SFTPB: variants seen among roughly 807,000 people sequenced by gnomAD.
The protein encoded by SFTPB is surfactant protein B.
A neutral mutation model predicts 51.0 loss-of-function variants in SFTPB; 32 were observed. The ratio of observed to expected loss-of-function variants is 0.63; its 90% CI spans 0.47 to 0.84. The LOEUF (loss-of-function observed/expected upper bound fraction) is 0.84. Among genes scored for constraint, SFTPB ranks in the 40% least tolerant of loss-of-function variants. SFTPB has a pLI of 0.00. For synonymous variants in SFTPB, 211 were observed against 208.5 expected (o/e 1.01, Z -0.10); for missense variants, 431 against 491.2 (o/e 0.88, Z 1.16).
At chr2:85,662,447 G>C (rs926927219) in intron 8 of SFTPB, among the ~76,000 whole-genome samples, 1 of 152,168 alleles carries the variant, frequency 6.6e-6, no homozygotes, top group Admixed American at 6.5e-5. Context: ...ATGGGCAGTC[G>C]GGAGGCTTGG....
At chr2:85,667,941 G>T in intron 1 of SFTPB, 135 bp from the exon 2 acceptor site, 1 of 1,359,958 alleles carries the variant, frequency 7.4e-7, no homozygotes, top group Non-Finnish European at 1.0e-6. Context: ...ACAGCTCTGG[G>T]TTCCACCTGC....
rs746836305 is a variant in SFTPB at position 85,662,066 on chromosome 2, A to C, written c.1046T>G (p.Leu349Arg). The change falls in exon 9 of 11, where the codon CTG becomes CGG. Residue 349 changes from leucine to arginine, a missense_variant. Transcript: ENST00000519937. ...VEQHTPQLLT[L>R]VPRGWDAHTT... The stretch of plus-strand genomic sequence containing the variant: ...GTGGGCATCCCAGCCCCTGGGCACC[A>C]GGGTCAGCAGCTGGGGCGTGTGCTG... 1 of 1,603,894 alleles carries C rather than the reference A, an allele frequency of 6.2e-7. No individual in the cohort carries two copies. The highest frequency in any genetic ancestry group is 8.5e-7 in the Non-Finnish European group (1 of 1,176,550).
intron 10 of SFTPB, among the ~76,000 whole-genome samples, chr2:85,660,634 TA>T (rs1477107539): frequency 6.6e-6 from 1 of 151,682 alleles, no homozygotes; most frequent in African/African-American, 2.4e-5. Flanking sequence ...AAAATATTTT[TA>T]GTAGAGACAG....
chr2:85,666,397 GTGTGTGTGTCCGGCCAGCTGGGGTGT>G (rs1320826830), intron 4 of SFTPB, 194 bp downstream of exon 4: 25 of 536,862 alleles, frequency 4.7e-5, no homozygotes, highest in African/African-American at 3.4e-4. Context: ...GGTACTGTGT[GTGTGTGTGTCCGGCCAGCTGGGGTGT>G]TGTGTGTGTG....
chr2:85,662,964 A>G (rs1677385294), intron 8 of SFTPB, among the ~76,000 whole-genome samples: 1 of 151,786 alleles, frequency 6.6e-6, no homozygotes, highest in Admixed American at 6.6e-5. Context: ...AGTGAGTCAC[A>G]CCTTGAGGAG....
chr2:85,661,563 G>A, intron 9 of SFTPB, 28 bp from the exon 10 acceptor site: 1 of 1,596,086 alleles, frequency 6.3e-7, no homozygotes, highest in South Asian at 1.1e-5. Context: ...CCAGGGCTGA[G>A]GCCTGGGCCC....
chr2:85,663,606 G>A (rs1368939315), intron 7 of SFTPB, 58 bp downstream of exon 7: 2 of 1,592,356 alleles, frequency 1.3e-6, no homozygotes, highest in East Asian at 2.3e-5. Flanking sequence ...TCATGCAGTG[G>A]CAGGGTAGGG....
At chr2:85,666,268 T>C (rs1677596860) in intron 4 of SFTPB, among the ~76,000 whole-genome samples, 1 of 128,454 alleles carries the variant, frequency 7.8e-6, no homozygotes, top group Admixed American at 8.7e-5. Flanking sequence ...GCTGGGGTAC[T>C]GTGTGGGTAT....
chr2:85,661,632 C>CT (rs1677304195), intron 9 of SFTPB, 97 bp from the exon 10 acceptor site: 1 of 987,444 alleles, frequency 1.0e-6, no homozygotes, highest in African/African-American at 1.6e-5. Context: ...CACCTCCCGC[C>CT]TAGTGGGTGC....
intron 1 of SFTPB, 110 bp downstream of exon 1, chr2:85,668,007 C>T (rs1310263609): frequency 2.5e-6 from 3 of 1,203,264 alleles, no homozygotes; most frequent in Non-Finnish European, 2.4e-6. Flanking sequence ...CTCTGAACCC[C>T]AGCTGCCTTG....
At position 85,667,800 on chromosome 2, in the gene SFTPB, C is replaced by A. The variant is rs561295206; in HGVS notation, c.74G>T (p.Trp25Leu). ...GGCACAGGCCAAGGATGAGGTGGTC[C>A]AGGCAGCTGTGGTTTGGGGCCAGAG... ...PTLCGPGTAA[W>L]TTSSLACAQG... is the part of the protein sequence containing the mutation. The change falls in exon 2 of 11, where the codon TGG becomes TTG. Residue 25 changes from tryptophan (W) to leucine (L), a missense_variant. Physicochemically the swap from Trp to Leu is moderately conservative, Grantham distance 61 (BLOSUM62 -2). Coordinates refer to ENST00000519937, the MANE Select transcript of SFTPB (RefSeq NM_000542.5). 1 of 1,614,282 alleles carries A rather than the reference C, an allele frequency of 6.2e-7. No homozygotes were observed. Among genetic ancestry groups the A allele is most frequent in the South Asian group, 1.1e-5 (1 of 91,092 alleles).
Position 85,663,436 on chromosome 2 carries a change from G to C in SFTPB, c.912C>G (p.Ser304=). ...TGCTGTTCCCGGCCTGGGTGGTCAC[G>C]GACATGCAGAGGTGGCACTCAGAGT... is the stretch of plus-strand genomic sequence containing the variant. The part of the protein sequence containing the change: ...PRDSECHLCM[S]VTTQAGNSSE... Residue 304 remains serine (S), a synonymous_variant, in exon 8 of 11, where the codon TCC becomes TCG. Coordinates refer to ENST00000519937, the MANE Select transcript of SFTPB (RefSeq NM_000542.5). 3.7e-6 allele frequency: 6 copies of C among 1,613,982 alleles called. No homozygotes were observed. Among genetic ancestry groups the C allele is most frequent in the Non-Finnish European group, 5.1e-6 (6 of 1,180,016 alleles).
At position 85,667,672 on chromosome 2, in the gene SFTPB, T is replaced by C. The variant is rs2104418834; in HGVS notation, c.195+7A>G. 7 of 1,614,218 alleles carry C rather than the reference T, an allele frequency of 4.3e-6. No homozygotes were observed. The highest frequency in any genetic ancestry group is 2.2e-5 in the East Asian group (1 of 44,884). ...CCCAGTTGCCATGCATCCTTGGTGG[T>C]ACTCACGGCTCCCACATGTCCCCAG... On this transcript the variant is annotated splice_region_variant and intron_variant, in intron 2 of 10. Coordinates refer to ENST00000519937, the MANE Select transcript of SFTPB (RefSeq NM_000542.5).
intron 3 of SFTPB, 103 bp downstream of exon 3, chr2:85,667,003 C>A: frequency 8.9e-7 from 1 of 1,128,496 alleles, no homozygotes; most frequent in South Asian, 1.3e-5. Flanking sequence ...ACCCAGGCCT[C>A]CTCCTCAGCC....
rs1436364553 is a variant in SFTPB at position 85,663,668 on chromosome 2, G to T, written c.852C>A (p.Gly284=). 1 of 1,611,190 alleles carries T rather than the reference G, an allele frequency of 6.2e-7. No individual in the cohort carries two copies. The highest frequency in any genetic ancestry group is 1.3e-5 in the African/African-American group (1 of 75,000). Residue 284 remains glycine (G), a synonymous_variant, in exon 7 of 11, where the codon GGC becomes GGA. Transcript: ENST00000519937. Reference sequence around the variant, plus strand: ...AGGAGTGGGCAGTGGGCTCACTTGGGCCAGCGCTGTCATCCATGGAGCACC... The same window carrying T: ...AGGAGTGGGCAGTGGGCTCACTTGGTCCAGCGCTGTCATCCATGGAGCACC... ...VLRCSMDDSA[G]PRSPTGEWLP...
At chr2:85,661,070 G>C (rs1273928600) in intron 10 of SFTPB, 2 of 227,786 alleles carry the variant, frequency 8.8e-6, no homozygotes, top group Non-Finnish European at 1.8e-5. Flanking sequence ...TACAGCTTCG[G>C]GTAGCAAAGT....
rs779093128 is a variant in SFTPB, at chr2:85,665,806, C to T, written c.394-12G>A. ...ATGCCGTTTGAGTCCTGGGGCACAG[C>T]ACAGGGTGGGAGTGTTAGGGTCTGG... On this transcript the variant is annotated splice_polypyrimidine_tract_variant and intron_variant, in intron 4 of 10. Coordinates refer to ENST00000519937, the MANE Select transcript of SFTPB (RefSeq NM_000542.5). 8.7e-6 allele frequency: 14 copies of T among 1,613,994 alleles called. No homozygotes were observed. The East Asian group carries it at 3.1e-4, about 36-fold the overall frequency.
rs762818048 is a variant in SFTPB, at chr2:85,663,811, C to T, written c.709G>A (p.Val237Met). ...ATGCCGCCCGCCACCAGAGGTACCA[C>T]GCGGCACACCTGGGCCACTGCCACA... ...LAVAVAQVCR[V>M]VPLVAGGICQ... is the part of the protein sequence containing the mutation. Residue 237 changes from valine (V) to methionine (M), a missense_variant, in exon 7 of 11, where the codon GTG (valine) becomes ATG (methionine). Physicochemically the swap from Val to Met is conservative, Grantham distance 21. Coordinates refer to ENST00000519937, the MANE Select transcript of SFTPB (RefSeq NM_000542.5). 1.7e-5 allele frequency: 27 copies of T among 1,598,864 alleles called. No homozygotes were observed. In the East Asian group the frequency reaches 2.9e-4, roughly 17 times the overall value.
At chr2:85,667,288 A>G in intron 2 of SFTPB, 111 bp from the exon 3 acceptor site, 1 of 815,176 alleles carries the variant, frequency 1.2e-6, no homozygotes. Flanking sequence ...AGGCACATGC[A>G]GCTGCCCACC....
Sources: allele counts gnomAD v4.1 joint callset (sites outside exome capture counted in the v4.1 genomes callset), GRCh38; gene constraint gnomAD v4.1.1; transcripts MANE v1.5; gene names NCBI Gene and HGNC (gene_info 2026-07-23, HGNC 2026-07-21).